ITGA5: variants seen among roughly 807,000 people sequenced by gnomAD.
ITGA5 encodes the protein integrin subunit alpha 5, also known as integrin alpha-5.
In ITGA5, 55 loss-of-function variants were observed where a neutral mutation model predicts 146.3. The observed-to-expected ratio is 0.38, with a 90% CI of 0.30 to 0.47. The LOEUF is 0.47. Ranked by LOEUF, ITGA5 falls within the 20% of genes least tolerant of loss-of-function variation. The pLI, the probability that ITGA5 is intolerant of heterozygous loss-of-function variation, is 0.99. For missense variants in ITGA5, 1,131 were observed against 1,329.0 expected (o/e 0.85, Z 2.32); for synonymous variants, 500 against 531.8 (o/e 0.94, Z 0.82).
chr12:54,398,813 G>T, intron 27 of ITGA5, 115 bp from the exon 28 acceptor site: 1 of 498,750 alleles, frequency 2.0e-6, no homozygotes, highest in Non-Finnish European at 3.5e-6. Flanking sequence ...CATTCTTCCT[G>T]AGTCTCTCTC....
chr12:54,408,550 AC>A (rs1200614992), intron 6 of ITGA5, among the ~76,000 whole-genome samples: 3 of 151,696 alleles, frequency 2.0e-5, no homozygotes, highest in African/African-American at 7.3e-5. Context: ...AGATGGTGAA[AC>A]CCCTTCTCTA....
Position 54,402,469 on chromosome 12 carries a change from G to A in ITGA5, c.1983-139C>T, listed in dbSNP as rs563398617. 6.0e-5 allele frequency: 42 copies of A among 697,316 alleles called. No individual in the cohort carries two copies. In the South Asian group the frequency reaches 7.5e-4, roughly 12 times the overall value. 43.2% of individuals were successfully genotyped at this position (697,316 alleles called of 1,614,324 possible). ...CCCAGCACTTTGGGAGGCTGAGGCG[G>A]GTGGATCACGAGGTCAGGAGTTCAA... On this transcript the variant is annotated intron_variant, in intron 19 of 29. Coordinates refer to ENST00000293379, the MANE Select transcript of ITGA5 (RefSeq NM_002205.5).
At chr12:54,399,572 A>G in intron 27 of ITGA5, 73 bp downstream of exon 27, 1 of 1,020,194 alleles carries the variant, frequency 9.8e-7, no homozygotes, top group South Asian at 1.3e-5. Flanking sequence ...TGGCTACTGC[A>G]GTGGAGAAAG....
At chr12:54,404,299 A>G (rs1198239198) in intron 14 of ITGA5, 53 bp from the exon 15 acceptor site, 1 of 1,578,706 alleles carries the variant, frequency 6.3e-7, no homozygotes, top group East Asian at 2.2e-5. Flanking sequence ...TGTAACCTGG[A>G]CACAGGAAAC....
rs760018225 is a variant in ITGA5 at position 54,411,963 on chromosome 12, C to G, written c.220G>C (p.Val74Leu). 7.0e-6 allele frequency: 11 copies of G among 1,582,526 alleles called. No homozygotes were observed. The highest frequency in any genetic ancestry group is 9.4e-6 in the Non-Finnish European group (11 of 1,165,622). Residue 74 changes from valine to leucine, a missense_variant and splice_region_variant, in exon 2 of 30, where the codon GTC (valine) becomes CTC (leucine). Transcript: ENST00000293379. ...TTGGGTGCTCCCACCAGCACACTGA[C>G]CCTGTGGGGGGGAAAAGCGAGGCAG... ...VEFYRPGTDG[V>L]SVLVGAPKAN...
chr12:54,418,990 C>T lies in ITGA5; in HGVS notation c.209G>A (p.Gly70Glu), dbSNP rs773172483. ...AGCCCTCCTCACTCACCCGTCTGTT[C>T]CCGGCCGGTAAAACTCCACTGAGAA... ...FGFSVEFYRP[G>E]TDGVSVLVGA... Residue 70 changes from glycine (G) to glutamate (E), a missense_variant, in exon 1 of 30, where the codon GGA (glycine) becomes GAA (glutamate). By Grantham distance (98) the Gly-to-Glu change is moderately conservative. Transcript: ENST00000293379. 2 of 1,608,080 alleles carry T rather than the reference C, an allele frequency of 1.2e-6. No homozygotes were observed. Among genetic ancestry groups the T allele is most frequent in the Non-Finnish European group, 1.7e-6 (2 of 1,178,300 alleles).
chr12:54,409,032 AG>A lies in ITGA5; in HGVS notation c.584-79del. 6.7e-7 allele frequency: 1 copy of A among 1,484,954 alleles called. No individual in the cohort carries two copies. Among genetic ancestry groups the A allele is most frequent in the South Asian group, 1.1e-5 (1 of 87,674 alleles). 92.0% of individuals were successfully genotyped at this position (1,484,954 alleles called of 1,614,324 possible). A position where few individuals can be genotyped will look rare whatever the true frequency, so the allele number is the denominator to read the frequency against. On this transcript the variant is annotated intron_variant, in intron 4 of 29. Coordinates refer to ENST00000293379, the MANE Select transcript of ITGA5 (RefSeq NM_002205.5). This position sits in a 1 kb window ranked among gnomAD's most constrained non-coding sequence, Gnocchi z 4.7. ...GAAAGAAGAGAGGGCATAGGGAAGG[AG>A]GTGGGAGAGAGAACCAGAGAAAGGG...
intron 9 of ITGA5, chr12:54,406,178 C>T (rs1296789663): frequency 3.6e-6 from 2 of 563,280 alleles, no homozygotes; most frequent in Non-Finnish European, 6.4e-6. Context: ...TGTTCGTTGT[C>T]CCTCTCTACC....
chr12:54,399,718 A>G lies in ITGA5; in HGVS notation c.2768T>C (p.Leu923Pro). The G allele has an allele frequency of 1.2e-6, 2 of 1,614,178 alleles. No homozygotes were observed. The highest frequency in any genetic ancestry group is 2.2e-5 in the South Asian group (2 of 91,078). Residue 923 changes from leucine (L) to proline (P), a missense_variant, in exon 27 of 30, where the codon CTC (leucine) becomes CCC (proline). Physicochemically the swap from Leu to Pro is moderately conservative, Grantham distance 98 (BLOSUM62 -3). Transcript: ENST00000293379. ...GCTCTCTTGTTGGTGCAGGGGCCCG[A>G]GCTCACAGCGCAGCCTGAAACACTC... The part of the protein sequence containing the change: ...EAECFRLRCE[L>P]GPLHQQESQS...
At chr12:54,405,622 TTCTGGGAGGGTA>T in intron 11 of ITGA5, 30 bp downstream of exon 11, 1 of 1,546,464 alleles carries the variant, frequency 6.5e-7, no homozygotes, top group Non-Finnish European at 8.9e-7. Flanking sequence ...TCCCTCTTGG[TTCTGGGAGGGTA>T]TCACAGTGCG....
intron 29 of ITGA5, 109 bp downstream of exon 29, chr12:54,397,256 G>A: frequency 1.7e-6 from 2 of 1,211,298 alleles, no homozygotes; most frequent in Non-Finnish European, 2.4e-6. Context: ...GACAGAGGTG[G>A]GGGCACATGG....
At chr12:54,398,835 CT>C (rs34443272) in intron 27 of ITGA5, 137 bp from the exon 28 acceptor site, 28,687 of 217,572 alleles carry the variant, frequency 0.13, 60 homozygotes, top group South Asian at 0.19. Context: ...CTCTCTCTCT[CT>C]TTTTTTTTTT....
rs1955819558 is a variant in ITGA5, at chr12:54,403,594, G to A, written c.1776+31C>T. 2 of 1,600,310 alleles carry A rather than the reference G, an allele frequency of 1.2e-6. No individual in the cohort carries two copies. The highest frequency in any genetic ancestry group is 1.3e-5 in the African/African-American group (1 of 74,670). On this transcript the variant is annotated intron_variant, in intron 17 of 29. Transcript: ENST00000293379. This position sits in a 1 kb window ranked among gnomAD's most constrained non-coding sequence, Gnocchi z 4.9. ...CAGTTCTGTGTGGCCACCCTCCCTG[G>A]CCAGTCCACACCCCGCCCTCTGGGC...
chr12:54,411,117 C>T (rs1955938821), intron 2 of ITGA5, among the ~76,000 whole-genome samples: 1 of 152,102 alleles, frequency 6.6e-6, no homozygotes, highest in South Asian at 2.1e-4. Flanking sequence ...CTGCCTCGGC[C>T]TCCCAAAGTG....
chr12:54,408,007 G>A (rs917773485), intron 7 of ITGA5, 103 bp downstream of exon 7: 3 of 1,540,706 alleles, frequency 1.9e-6, no homozygotes, highest in Non-Finnish European at 2.7e-6. Flanking sequence ...TATGGCAGGG[G>A]TGCTGGGGAT....
chr12:54,409,634 T>C lies in ITGA5; in HGVS notation c.350-37A>G, dbSNP rs1178242655. On this transcript the variant is annotated intron_variant, in intron 2 of 29. Transcript: ENST00000293379. The surrounding 1 kb of genome is among the most constrained non-coding windows in gnomAD (Gnocchi z 4.7). ...GAGAAGGGGGAGTCTTACTGAGCCA[T>C]GGACATTTGAGCTCTAGGGCAGCCC... is the stretch of plus-strand genomic sequence containing the variant. 5 of 1,457,876 alleles carry C rather than the reference T, an allele frequency of 3.4e-6. No individual in the cohort carries two copies. The highest frequency in any genetic ancestry group is 1.7e-5 in the Admixed American group (1 of 58,042). 90.3% of individuals were successfully genotyped at this position (1,457,876 alleles called of 1,614,324 possible). A position where few individuals can be genotyped will look rare whatever the true frequency, so the allele number is the denominator to read the frequency against.
In ITGA5 at chr12:54,409,632, C is replaced by T. The variant is rs566745177; in HGVS notation, c.350-35G>A. 1 of 1,480,726 alleles carries T rather than the reference C, an allele frequency of 6.8e-7. No individual in the cohort carries two copies. The highest frequency in any genetic ancestry group is 1.7e-5 in the Admixed American group (1 of 58,340). 91.7% of individuals were successfully genotyped at this position (1,480,726 alleles called of 1,614,324 possible). A position where few individuals can be genotyped will look rare whatever the true frequency, so the allele number is the denominator to read the frequency against. On this transcript the variant is annotated intron_variant, in intron 2 of 29. Transcript: ENST00000293379. This position sits in a 1 kb window ranked among gnomAD's most constrained non-coding sequence, Gnocchi z 4.7. Reference sequence around the variant, plus strand: ...GTGAGAAGGGGGAGTCTTACTGAGCCATGGACATTTGAGCTCTAGGGCAGC... The same window carrying T: ...GTGAGAAGGGGGAGTCTTACTGAGCTATGGACATTTGAGCTCTAGGGCAGC...
Position 54,404,296 on chromosome 12 carries a change from T to C in ITGA5, c.1464-50A>G, listed in dbSNP as rs759874202. The C allele has an allele frequency of 3.8e-6, 6 of 1,582,004 alleles. No individual in the cohort carries two copies. In the African/African-American group the frequency reaches 5.4e-5, roughly 14 times the overall value. On this transcript the variant is annotated intron_variant, in intron 14 of 29. Coordinates refer to ENST00000293379, the MANE Select transcript of ITGA5 (RefSeq NM_002205.5). ...ATAGAATTAGGACTCCTCTGTAACC[T>C]GGACACAGGAAACTGATGCCCAAGC...
rs781732072 is a variant in ITGA5 at position 54,409,833 on chromosome 12, C to T, written c.350-236G>A. ...ATACACACACACACATACATACACACGCACGCACACGCACACAGAACCTGG... is the reference window on the plus strand; with the variant it reads ...ATACACACACACACATACATACACATGCACGCACACGCACACAGAACCTGG... On this transcript the variant is annotated intron_variant, in intron 2 of 29. Coordinates refer to ENST00000293379, the MANE Select transcript of ITGA5 (RefSeq NM_002205.5). This position sits in a 1 kb window ranked among gnomAD's most constrained non-coding sequence, Gnocchi z 4.7. 1.2e-4 allele frequency: 50 copies of T among 418,614 alleles called. No individual in the cohort carries two copies. The highest frequency in any genetic ancestry group is 6.5e-4 in the Middle Eastern group (1 of 1,530). 25.9% of individuals were successfully genotyped at this position (418,614 alleles called of 1,614,324 possible).
Sources: allele counts gnomAD v4.1 joint callset (sites outside exome capture counted in the v4.1 genomes callset), GRCh38; gene constraint gnomAD v4.1.1; non-coding constraint Gnocchi (gnomAD v3.1); transcripts MANE v1.5; gene names NCBI Gene and HGNC (gene_info 2026-07-23, HGNC 2026-07-21).